SLX4IP: variants seen among roughly 807,000 people sequenced by gnomAD.
The protein encoded by SLX4IP is protein SLX4IP.
In SLX4IP, 34 loss-of-function variants were observed where a neutral mutation model predicts 32.9. The observed-to-expected ratio is 1.03, with a 90% CI of 0.79 to 1.38. SLX4IP has a LOEUF of 1.38. Ranked by LOEUF, SLX4IP falls within the 40% of genes most tolerant of loss-of-function variation. The pLI, the probability that SLX4IP is intolerant of heterozygous loss-of-function variation, is 0.00. For synonymous variants in SLX4IP, 172 were observed against 171.7 expected (o/e 1.00, Z -0.01); for missense variants, 444 against 479.0 (o/e 0.93, Z 0.68).
chr20:10,446,590 T>C (rs1198278761), intron 1 of SLX4IP, among the ~76,000 whole-genome samples: 2 of 152,156 alleles, frequency 1.3e-5, no homozygotes, highest in Non-Finnish European at 2.9e-5. Flanking sequence ...GTCCCACCAG[T>C]GATATATGAG....
At chr20:10,479,970 C>T (rs1257364865) in intron 2 of SLX4IP, among the ~76,000 whole-genome samples, 1 of 152,086 alleles carries the variant, frequency 6.6e-6, no homozygotes, top group East Asian at 1.9e-4. Context: ...CGCCATTGCA[C>T]TCCAGCCTGG....
rs71334410 is a variant in SLX4IP at position 10,529,590 on chromosome 20, C to CAAAAAA, written c.28-26622_28-26617dup. On this transcript the variant is annotated intron_variant, in intron 2 of 7. Transcript: ENST00000334534. ...TGGGTGACCGTGTGAGACTCCATCT[C>CAAAAAA]AAAAAAAAAAAAAAAAAAAAAAAAT... 1.1e-4 allele frequency among the ~76,000 whole-genome samples: 6 copies of CAAAAAA among 53,620 alleles called. 1 individual carries two copies. Among genetic ancestry groups the CAAAAAA allele is most frequent in the African/African-American group, 1.6e-4 (2 of 12,804 alleles). The allele number at this position is 53,620 out of a possible 152,430, so 35.2% of individuals were successfully genotyped here.
intron 4 of SLX4IP, among the ~76,000 whole-genome samples, chr20:10,566,159 G>A (rs949412338): frequency 1.3e-5 from 2 of 152,004 alleles, no homozygotes; most frequent in Non-Finnish European, 2.9e-5. Context: ...TAACTCATCT[G>A]ATTAGCATTC....
intron 4 of SLX4IP, among the ~76,000 whole-genome samples, chr20:10,581,998 G>T (rs1057172035): frequency 1.3e-5 from 2 of 152,168 alleles, no homozygotes; most frequent in Non-Finnish European, 2.9e-5. Context: ...GGACAGTGAT[G>T]AAAAGTGATT....
chr20:10,539,937 G>A (rs2066084790), intron 2 of SLX4IP, among the ~76,000 whole-genome samples: 1 of 152,208 alleles, frequency 6.6e-6, no homozygotes, highest in Non-Finnish European at 1.5e-5. Context: ...ATCTCAAAGT[G>A]TGGTCTCTAG....
rs529859696 is a variant in SLX4IP at position 10,436,355 on chromosome 20, T to C, written c.-30+902T>C. Among the ~76,000 whole-genome samples, 17 of 121,290 alleles carry C rather than the reference T, an allele frequency of 1.4e-4. No homozygotes were observed. The South Asian group carries it at 4.0e-3, about 29-fold the overall frequency. 79.6% of individuals were successfully genotyped at this position (121,290 alleles called of 152,430 possible). ...GGCATGGGCTAAAGATACAGCCCTT[T>C]CTTTCTTTCTTTTTTTTTTTAGATG... On this transcript the variant is annotated intron_variant, in intron 1 of 7. Coordinates refer to ENST00000334534, the MANE Select transcript of SLX4IP (RefSeq NM_001009608.3).
chr20:10,518,506 C>CTT (rs372995070), intron 2 of SLX4IP, among the ~76,000 whole-genome samples: 42 of 88,674 alleles, frequency 4.7e-4, no homozygotes, highest in Middle Eastern at 9.9e-3. Context: ...TCCTTCCTTC[C>CTT]TTCCTTCCTT....
intron 2 of SLX4IP, among the ~76,000 whole-genome samples, chr20:10,500,877 T>C (rs1342483361): frequency 1.3e-5 from 2 of 152,242 alleles, no homozygotes; most frequent in Admixed American, 1.3e-4. Context: ...TTTTGTTTTA[T>C]GGATAATGTT....
rs191182473 is a variant in SLX4IP at position 10,563,852 on chromosome 20, T to C, written c.238+3032T>C. On this transcript the variant is annotated intron_variant, in intron 4 of 7. Transcript: ENST00000334534. The stretch of plus-strand genomic sequence containing the variant: ...AATCAGGTAGTATGATGTTTCCAGC[T>C]TTGTTCTTTTGCTCACAGTTGCTTT... Among the ~76,000 whole-genome samples the C allele has an allele frequency of 4.1e-3, 621 of 152,362 alleles. 4 individuals are homozygous for C. The highest frequency in any genetic ancestry group is 6.4e-3 in the Non-Finnish European group (438 of 68,026).
intron 2 of SLX4IP, among the ~76,000 whole-genome samples, chr20:10,536,987 G>C: frequency 6.6e-6 from 1 of 152,156 alleles, no homozygotes; most frequent in Non-Finnish European, 1.5e-5. Context: ...GTGTGAATTT[G>C]CATCATTGAT....
intron 4 of SLX4IP, among the ~76,000 whole-genome samples, chr20:10,568,921 C>T (rs2066427449): frequency 6.6e-6 from 1 of 152,176 alleles, no homozygotes; most frequent in African/African-American, 2.4e-5. Context: ...AATCAGGAAC[C>T]CAAGAATTAT....
At chr20:10,586,880 A>G (rs2066652385) in intron 4 of SLX4IP, among the ~76,000 whole-genome samples, 1 of 152,154 alleles carries the variant, frequency 6.6e-6, no homozygotes, top group Non-Finnish European at 1.5e-5. Flanking sequence ...TGAATAGATT[A>G]TTAAAGAATT....
chr20:10,582,343 A>G (rs1042791630), intron 4 of SLX4IP, among the ~76,000 whole-genome samples: 9 of 152,130 alleles, frequency 5.9e-5, no homozygotes, highest in Admixed American at 5.2e-4. Flanking sequence ...TATTTCCTTA[A>G]TATTTCCATT....
chr20:10,442,912 A>C (rs568534456), intron 1 of SLX4IP, among the ~76,000 whole-genome samples: 5 of 152,364 alleles, frequency 3.3e-5, no homozygotes, highest in African/African-American at 1.2e-4. Context: ...CATTTAAATG[A>C]ATGTTAAAAT....
At chr20:10,439,671 A>G (rs890390831) in intron 1 of SLX4IP, among the ~76,000 whole-genome samples, 2 of 152,260 alleles carry the variant, frequency 1.3e-5, no homozygotes, top group African/African-American at 4.8e-5. Context: ...CTTTTTAAAA[A>G]TGCAAAATGT....
intron 2 of SLX4IP, among the ~76,000 whole-genome samples, chr20:10,536,009 A>G (rs2066039744): frequency 6.6e-6 from 1 of 152,244 alleles, no homozygotes; most frequent in African/African-American, 2.4e-5. Flanking sequence ...AAAAGCAGAA[A>G]TGAGCGCCGG....
chr20:10,613,781 C>T, intron 6 of SLX4IP: 4 of 1,613,712 alleles, frequency 2.5e-6, no homozygotes, highest in Admixed American at 1.7e-5. Context: ...AAAGCACAGA[C>T]TCCATGATCT....
intron 6 of SLX4IP, among the ~76,000 whole-genome samples, chr20:10,615,865 A>T (rs894997561): frequency 6.6e-6 from 1 of 152,164 alleles, no homozygotes; most frequent in Non-Finnish European, 1.5e-5. Context: ...GAAGGACAAT[A>T]GGTCCAACTC....
At chr20:10,446,935 C>A (rs1346141131) in intron 1 of SLX4IP, among the ~76,000 whole-genome samples, 3 of 152,094 alleles carry the variant, frequency 2.0e-5, no homozygotes, top group African/African-American at 7.2e-5. Context: ...ATGGCCAAAG[C>A]TGTCATTCTT....
Sources: allele counts gnomAD v4.1 joint callset (sites outside exome capture counted in the v4.1 genomes callset), GRCh38; gene constraint gnomAD v4.1.1; transcripts MANE v1.5; gene names NCBI Gene and HGNC (gene_info 2026-07-23, HGNC 2026-07-21).